The following ULK4 variants were observed in gnomAD, a reference collection of about 807,000 sequenced individuals.
ULK4 encodes the protein inactive serine/threonine-protein kinase ULK4.
ULK4 carries 133 observed loss-of-function variants against 160.6 expected under a neutral mutation model. The observed-to-expected ratio is 0.83, with a 90% CI of 0.72 to 0.96. The LOEUF (loss-of-function observed/expected upper bound fraction) is 0.96. ULK4 is among the 40% of genes least tolerant of loss of function. The pLI, the probability that ULK4 is intolerant of heterozygous loss-of-function variation, is 0.00. For missense variants in ULK4, 1,580 were observed against 1,499.5 expected, an observed-to-expected ratio of 1.05 and a Z score of -0.89; for synonymous variants, 534 against 539.8, an observed-to-expected ratio of 0.99 and a Z score of 0.15.
intron 19 of ULK4, among the ~76,000 whole-genome samples, chr3:41,805,091 G>A (rs1281002113): frequency 2.0e-5 from 3 of 152,140 alleles, no homozygotes; most frequent in Non-Finnish European, 4.4e-5. Flanking sequence ...CCATTTTCAC[G>A]ATACTGATTC....
At chr3:41,335,621 G>A (rs868565452) in intron 35 of ULK4, among the ~76,000 whole-genome samples, 5 of 152,146 alleles carry the variant, frequency 3.3e-5, no homozygotes, top group Middle Eastern at 3.4e-3. Context: ...CAGCTATTTT[G>A]TTGAAGAACA....
At chr3:41,717,570 A>G (rs79197855) in intron 23 of ULK4, among the ~76,000 whole-genome samples, 158 bp downstream of exon 23, 332 of 152,338 alleles carry the variant, frequency 2.2e-3, no homozygotes, top group African/African-American at 7.8e-3. Flanking sequence ...AAAAACAGAT[A>G]AAGCAAATTT....
intron 35 of ULK4, among the ~76,000 whole-genome samples, chr3:41,397,799 T>C (rs748270852): frequency 3.3e-5 from 5 of 152,146 alleles, no homozygotes; most frequent in Non-Finnish European, 5.9e-5. Flanking sequence ...AGAATATCAA[T>C]TTTATTTTAG....
At chr3:41,608,998 C>T (rs190118908) in intron 31 of ULK4, among the ~76,000 whole-genome samples, 1 of 152,262 alleles carries the variant, frequency 6.6e-6, no homozygotes, top group East Asian at 1.9e-4. Context: ...GTACTATTTC[C>T]TCAAAGTGAG....
chr3:41,302,670 A>C (rs2079822510), intron 35 of ULK4, among the ~76,000 whole-genome samples: 1 of 152,232 alleles, frequency 6.6e-6, no homozygotes, highest in Admixed American at 6.5e-5. Context: ...CAAAAAGTTC[A>C]GATTCTAACT....
intron 18 of ULK4, among the ~76,000 whole-genome samples, chr3:41,820,436 G>C (rs1433264118): frequency 6.6e-6 from 1 of 152,158 alleles, no homozygotes; most frequent in Non-Finnish European, 1.5e-5. Flanking sequence ...CAGTGAAGTG[G>C]ATAAAGAAAA....
intron 32 of ULK4, among the ~76,000 whole-genome samples, chr3:41,522,138 T>C (rs1486586295): frequency 1.3e-5 from 2 of 150,890 alleles, no homozygotes; most frequent in African/African-American, 4.9e-5. Flanking sequence ...TCTTTTTTTT[T>C]TTTTTTGAGA....
At chr3:41,645,431 T>C (rs552364689) in intron 30 of ULK4, among the ~76,000 whole-genome samples, 14 of 152,332 alleles carry the variant, frequency 9.2e-5, no homozygotes, top group Admixed American at 8.5e-4. Context: ...TCTTTATTTC[T>C]GCCTTTGTTT....
At chr3:41,580,256 A>G (rs1403227563) in intron 31 of ULK4, among the ~76,000 whole-genome samples, 1 of 152,100 alleles carries the variant, frequency 6.6e-6, no homozygotes, top group Non-Finnish European at 1.5e-5. Flanking sequence ...GACGTCCCTG[A>G]GCTTCAGGAA....
At chr3:41,841,283 C>T (rs2041918889) in intron 17 of ULK4, among the ~76,000 whole-genome samples, 1 of 128,266 alleles carries the variant, frequency 7.8e-6, no homozygotes, top group African/African-American at 3.0e-5. Flanking sequence ...GCCGCCCCGT[C>T]TGGGAAGTGG....
chr3:41,950,153 C>G (rs1309968888), intron 2 of ULK4, among the ~76,000 whole-genome samples: 1 of 151,724 alleles, frequency 6.6e-6, no homozygotes, highest in Non-Finnish European at 1.5e-5. Context: ...GTGGCACAAT[C>G]ATGGCTCACT....
intron 35 of ULK4, among the ~76,000 whole-genome samples, chr3:41,334,653 G>A (rs1342946773): frequency 1.3e-5 from 2 of 152,202 alleles, no homozygotes. Flanking sequence ...AAATGGGGCA[G>A]CAGGAAGTCT....
chr3:41,633,728 G>T (rs1024887647), intron 30 of ULK4, among the ~76,000 whole-genome samples: 9 of 151,734 alleles, frequency 5.9e-5, no homozygotes, highest in African/African-American at 2.2e-4. Flanking sequence ...AATGATGAGG[G>T]GTATTAATGA....
chr3:41,401,801 T>C (rs975282165), intron 34 of ULK4, among the ~76,000 whole-genome samples: 3 of 152,302 alleles, frequency 2.0e-5, no homozygotes, highest in Admixed American at 6.5e-5. Flanking sequence ...CTGTCCATCA[T>C]TGACTGCACT....
chr3:41,609,293 G>A (rs146004634), intron 31 of ULK4, among the ~76,000 whole-genome samples: 9 of 152,186 alleles, frequency 5.9e-5, no homozygotes, highest in South Asian at 2.1e-4. Flanking sequence ...TTCAGGTAAC[G>A]TGGAGCTGAT....
intron 2 of ULK4, among the ~76,000 whole-genome samples, chr3:41,945,948 A>G (rs538665965): frequency 6.6e-6 from 1 of 152,166 alleles, no homozygotes; most frequent in Non-Finnish European, 1.5e-5. Flanking sequence ...CAGACTCTTC[A>G]TTCATAGAAA....
Position 41,337,403 on chromosome 3 carries a change from G to T in ULK4, c.3678+60676C>A, listed in dbSNP as rs550974376. 5.9e-5 allele frequency among the ~76,000 whole-genome samples: 9 copies of T among 152,174 alleles called. 1 individual carries two copies. In the South Asian group the frequency reaches 1.9e-3, roughly 32 times the overall value. On this transcript the variant is annotated intron_variant, in intron 35 of 36. Transcript: ENST00000301831. ...CTGGAAGGACCTGTGTAAGGGCGAG[G>T]CCTCCTCATCTGCTCTGTTCTGAGG...
intron 21 of ULK4, among the ~76,000 whole-genome samples, chr3:41,770,484 G>A (rs919577887): frequency 3.3e-5 from 5 of 149,720 alleles, no homozygotes; most frequent in Non-Finnish European, 7.4e-5. Context: ...ATTGTGTAAC[G>A]TATACATTGA....
intron 34 of ULK4, among the ~76,000 whole-genome samples, chr3:41,401,980 C>G (rs189854248): frequency 2.0e-5 from 3 of 152,182 alleles, no homozygotes; most frequent in Non-Finnish European, 2.9e-5. Flanking sequence ...TTTAATCTAC[C>G]CTTTTCTTTA....
Sources: allele counts gnomAD v4.1 joint callset (sites outside exome capture counted in the v4.1 genomes callset), GRCh38; gene constraint gnomAD v4.1.1; transcripts MANE v1.5; gene names NCBI Gene and HGNC (gene_info 2026-07-23, HGNC 2026-07-21).